The following SLTM variants were observed in gnomAD, a reference collection of about 807,000 sequenced individuals.
The protein encoded by SLTM is SAFB-like transcription modulator.
In SLTM, 43 loss-of-function variants were observed where a neutral mutation model predicts 134.6. The ratio of observed to expected loss-of-function variants is 0.32; its 90% confidence interval spans 0.25 to 0.41. The LOEUF is 0.41. SLTM is among the 10% of genes least tolerant of loss of function. SLTM has a pLI of 1.00. For missense variants in SLTM, 1,055 were observed against 1,288.8 expected (o/e 0.82, Z 2.78); for synonymous variants, 424 against 432.3 (o/e 0.98, Z 0.24).
chr15:58,924,329 G>A (rs1468786250), intron 2 of SLTM, among the ~76,000 whole-genome samples: 3 of 152,080 alleles, frequency 2.0e-5, no homozygotes, highest in Non-Finnish European at 2.9e-5. Flanking sequence ...AAGTAAAAAC[G>A]TATATACCAG....
rs566641131 is a variant in SLTM, at chr15:58,933,641, C to A, written c.-76G>T. The A allele has an allele frequency of 7.5e-5, 104 of 1,388,762 alleles. No homozygotes were observed. In the African/African-American group the frequency reaches 1.1e-3, roughly 15 times the overall value. The allele number at this position is 1,388,762 out of a possible 1,614,324, so 86.0% of individuals were successfully genotyped here. On this transcript the variant is annotated 5_prime_UTR_variant, in exon 1 of 21. Coordinates refer to ENST00000380516, the MANE Select transcript of SLTM (RefSeq NM_024755.4). ...GCAGCAGCGCCAACTTCCACCCAGG[C>A]CTCGGCGGCCGCCGGCGCCGCGCAG...
At chr15:58,926,228 G>A (rs2037454959) in intron 2 of SLTM, among the ~76,000 whole-genome samples, 1 of 152,196 alleles carries the variant, frequency 6.6e-6, no homozygotes, top group Non-Finnish European at 1.5e-5. Flanking sequence ...TACAGAAGCT[G>A]TTGAGAAGAA....
chr15:58,910,671 T>C (rs977942459), intron 5 of SLTM, among the ~76,000 whole-genome samples: 2 of 152,012 alleles, frequency 1.3e-5, no homozygotes, highest in Admixed American at 1.3e-4. Context: ...AGACCTCGAC[T>C]TCCCCTTTTT....
chr15:58,933,024 T>C (rs2037991013), intron 1 of SLTM, among the ~76,000 whole-genome samples: 1 of 152,182 alleles, frequency 6.6e-6, no homozygotes, highest in Non-Finnish European at 1.5e-5. Context: ...CCATTCCCTC[T>C]GAGGCCAAGA....
chr15:58,923,470 G>A (rs2037238160), intron 2 of SLTM, among the ~76,000 whole-genome samples: 1 of 152,178 alleles, frequency 6.6e-6, no homozygotes, highest in Admixed American at 6.6e-5. Context: ...AACTAACTTT[G>A]TGTGTAACCC....
intron 20 of SLTM, among the ~76,000 whole-genome samples, chr15:58,880,373 A>C (rs2033597564): frequency 6.6e-6 from 1 of 152,120 alleles, no homozygotes; most frequent in South Asian, 2.1e-4. Flanking sequence ...ATTACTTCAG[A>C]AGCCAGTTGT....
chr15:58,911,144 G>C (rs1292864207), intron 5 of SLTM, among the ~76,000 whole-genome samples: 3 of 152,050 alleles, frequency 2.0e-5, no homozygotes, highest in Admixed American at 1.3e-4. Context: ...CAAATGATCA[G>C]CAACATTTCT....
At chr15:58,900,764 A>C (rs2035429206) in intron 6 of SLTM, 1 of 159,714 alleles carries the variant, frequency 6.3e-6, no homozygotes, top group Admixed American at 6.4e-5. Flanking sequence ...TGCCCCTGTA[A>C]TTGTATTGAA....
intron 5 of SLTM, among the ~76,000 whole-genome samples, chr15:58,908,347 C>A (rs1486292944): frequency 6.6e-6 from 1 of 152,080 alleles, no homozygotes; most frequent in African/African-American, 2.4e-5. Context: ...AGGCATGAGC[C>A]ACTGCATCCA....
intron 3 of SLTM, chr15:58,916,650 A>C: frequency 4.1e-6 from 1 of 242,816 alleles, no homozygotes; most frequent in Non-Finnish European, 8.0e-6. Flanking sequence ...CATGTATATC[A>C]ATTGTCTCGT....
intron 2 of SLTM, among the ~76,000 whole-genome samples, chr15:58,927,080 G>C (rs964512294): frequency 5.3e-5 from 8 of 152,106 alleles, no homozygotes; most frequent in Non-Finnish European, 2.9e-5. Flanking sequence ...TGTTCTAAAA[G>C]TAAGTATATT....
chr15:58,884,139 T>C (rs958334045), intron 19 of SLTM, among the ~76,000 whole-genome samples: 7 of 151,794 alleles, frequency 4.6e-5, no homozygotes, highest in Non-Finnish European at 8.8e-5. Flanking sequence ...CCCTCAGTCT[T>C]GGTCTCATAC....
intron 2 of SLTM, among the ~76,000 whole-genome samples, chr15:58,917,895 A>G (rs2141160774): frequency 6.6e-6 from 1 of 152,134 alleles, no homozygotes; most frequent in East Asian, 1.9e-4. Context: ...AATTACAGGC[A>G]CGAGGCACCA....
chr15:58,925,073 TAAAAAAAA>T (rs61197202), intron 2 of SLTM, among the ~76,000 whole-genome samples: 11 of 124,964 alleles, frequency 8.8e-5, no homozygotes, highest in African/African-American at 3.1e-4. Flanking sequence ...GATAAAATGT[TAAAAAAAA>T]AAAAAAAAAA....
At chr15:58,925,590 C>T (rs1366046000) in intron 2 of SLTM, among the ~76,000 whole-genome samples, 6 of 151,962 alleles carry the variant, frequency 3.9e-5, no homozygotes, top group Non-Finnish European at 7.4e-5. Context: ...CACCCGCCTC[C>T]ACCTCCCAAA....
At chr15:58,921,651 T>C (rs1595929784) in intron 2 of SLTM, 3 of 358,626 alleles carry the variant, frequency 8.4e-6, no homozygotes, top group East Asian at 8.3e-5. Context: ...GATAGATACA[T>C]AGTATTCAAA....
intron 5 of SLTM, among the ~76,000 whole-genome samples, chr15:58,902,552 A>G (rs986304802): frequency 6.8e-6 from 1 of 146,288 alleles, no homozygotes; most frequent in Non-Finnish European, 1.5e-5. Flanking sequence ...TGTCCAGCGA[A>G]TTTTTTTTTT....
At chr15:58,902,212 T>C (rs1458658018) in intron 5 of SLTM, among the ~76,000 whole-genome samples, 1 of 152,142 alleles carries the variant, frequency 6.6e-6, no homozygotes, top group East Asian at 1.9e-4. Context: ...ATATGCATTA[T>C]AATCTCAATA....
chr15:58,906,973 C>T (rs540194646), intron 5 of SLTM, among the ~76,000 whole-genome samples: 16 of 152,124 alleles, frequency 1.1e-4, no homozygotes, highest in African/African-American at 3.9e-4. Flanking sequence ...TTTACCCTGT[C>T]GTTATCACTG....
Sources: gnomAD v4.1 joint callset for allele counts (sites outside exome capture counted in the v4.1 genomes callset) on GRCh38, gnomAD v4.1.1 for gene constraint, MANE v1.5 for transcripts, NCBI Gene and HGNC (gene_info 2026-07-23, HGNC 2026-07-21) for gene names.